Variants in NTNG2 observed in about 807,000 individuals in gnomAD.
NTNG2 encodes the protein netrin G2.
Under a neutral mutation model 47.6 loss-of-function variants are expected in NTNG2, and 15 were observed. That is an observed-to-expected ratio of 0.32 (90% CI 0.21 to 0.49). NTNG2 has a LOEUF of 0.49. Ranked by LOEUF, NTNG2 falls within the 20% of genes least tolerant of loss-of-function variation. The pLI, the probability that NTNG2 is intolerant of heterozygous loss-of-function variation, is 0.99. For missense variants in NTNG2, 578 were observed against 764.6 expected (o/e 0.76, Z 2.88); for synonymous variants, 307 against 324.6 (o/e 0.95, Z 0.58).
intron 5 of NTNG2, among the ~76,000 whole-genome samples, chr9:132,237,161 G>T (rs946642131): frequency 3.3e-5 from 5 of 152,206 alleles, no homozygotes; most frequent in Admixed American, 6.5e-5. Flanking sequence ...GTCTCAGAGA[G>T]GGGACCAAGG....
At chr9:132,240,742 C>A in intron 6 of NTNG2, 168 bp from the exon 7 acceptor site, 1 of 967,456 alleles carries the variant, frequency 1.0e-6, no homozygotes. Flanking sequence ...CCTGGCCACC[C>A]TGGGAAGTCC....
rs537189415 is a variant in NTNG2, at chr9:132,207,248, T to G, written c.857+8639T>G. 2.6e-5 allele frequency among the ~76,000 whole-genome samples: 4 copies of G among 152,392 alleles called. No individual in the cohort carries two copies. In the South Asian group the frequency reaches 8.3e-4, roughly 32 times the overall value. On this transcript the variant is annotated intron_variant, in intron 3 of 7. Transcript: ENST00000393229. ...TCTAATGGGCACTGCCTTGGTTTCTTGGAGCCTCCATAACTAAGTACCACT... is the reference window on the plus strand; with the variant it reads ...TCTAATGGGCACTGCCTTGGTTTCTGGGAGCCTCCATAACTAAGTACCACT...
At chr9:132,173,225 A>G (rs1451091155) in intron 2 of NTNG2, among the ~76,000 whole-genome samples, 1 of 152,244 alleles carries the variant, frequency 6.6e-6, no homozygotes, top group African/African-American at 2.4e-5. Context: ...AAAGCCACTC[A>G]GTCTCTTGAA....
intron 3 of NTNG2, among the ~76,000 whole-genome samples, chr9:132,211,788 T>C (rs1420676510): frequency 6.6e-6 from 1 of 152,196 alleles, no homozygotes; most frequent in South Asian, 2.1e-4. Context: ...ACCATAGCTA[T>C]GCACGTACAC....
rs529004891 is a variant in NTNG2 at position 132,224,312 on chromosome 9, T to C, written c.858-2537T>C. On this transcript the variant is annotated intron_variant, in intron 3 of 7. Coordinates refer to ENST00000393229, the MANE Select transcript of NTNG2 (RefSeq NM_032536.4). ...ATGAGCTAACACTGATACAGTGTCA[T>C]TCACTAGGGCCTGTTATTTACATTA... Among the ~76,000 whole-genome samples the C allele has an allele frequency of 7.2e-5, 11 of 152,292 alleles. 1 individual carries two copies. The South Asian group carries it at 2.3e-3, about 32-fold the overall frequency.
chr9:132,177,621 T>TA (rs1446627644), intron 2 of NTNG2, among the ~76,000 whole-genome samples: 4 of 152,214 alleles, frequency 2.6e-5, no homozygotes, highest in Admixed American at 2.6e-4. Flanking sequence ...TCTATGCACT[T>TA]ACTTCTGGAC....
chr9:132,225,561 C>G (rs763408275), intron 3 of NTNG2, among the ~76,000 whole-genome samples: 1 of 152,192 alleles, frequency 6.6e-6, no homozygotes, highest in South Asian at 2.1e-4. Flanking sequence ...TGCACCACCA[C>G]GCCTAGCCTG....
rs1470687983 is a variant in NTNG2, at chr9:132,221,742, G to A, written c.858-5107G>A. 6.6e-6 allele frequency among the ~76,000 whole-genome samples: 1 copy of A among 152,198 alleles called. No individual in the cohort carries two copies. The highest frequency in any genetic ancestry group is 1.9e-4 in the East Asian group (1 of 5,194). Reference sequence around the variant, plus strand: ...AGGGACGTCTGGATTTGGGTCAGGAGAAACCAACTGTATGACTTTGGGCGA... The same window carrying A: ...AGGGACGTCTGGATTTGGGTCAGGAAAAACCAACTGTATGACTTTGGGCGA... On this transcript the variant is annotated intron_variant, in intron 3 of 7. Coordinates refer to ENST00000393229, the MANE Select transcript of NTNG2 (RefSeq NM_032536.4). This position sits in a 1 kb window ranked among gnomAD's most constrained non-coding sequence, Gnocchi z 4.2.
rs1245936224 is a variant in NTNG2, at chr9:132,181,119, T to C, written c.213+14075T>C. Among the ~76,000 whole-genome samples the C allele has an allele frequency of 2.0e-5, 3 of 152,178 alleles. No homozygotes were observed. In the East Asian group the frequency reaches 5.8e-4, roughly 29 times the overall value. ...TTTTTTTTGAGACAGGGTCTCACTC[T>C]GTCACCCAGGCTGGAGTGCAGTGAA... On this transcript the variant is annotated intron_variant, in intron 2 of 7. Coordinates refer to ENST00000393229, the MANE Select transcript of NTNG2 (RefSeq NM_032536.4).
In NTNG2 at chr9:132,208,482, A is replaced by G. The variant is rs2130807717; in HGVS notation, c.857+9873A>G. The stretch of plus-strand genomic sequence containing the variant: ...TGGCGGTGCTGGAGGCCTGCAGGAG[A>G]CTGGGCGGGCCCTACCAAGACTGAC... On this transcript the variant is annotated intron_variant, in intron 3 of 7. Coordinates refer to ENST00000393229, the MANE Select transcript of NTNG2 (RefSeq NM_032536.4). This position sits in a 1 kb window ranked among gnomAD's most constrained non-coding sequence, Gnocchi z 4.0. Among the ~76,000 whole-genome samples, 1 of 152,044 alleles carries G rather than the reference A, an allele frequency of 6.6e-6. No individual in the cohort carries two copies. The highest frequency in any genetic ancestry group is 2.1e-4 in the South Asian group (1 of 4,814).
At chr9:132,179,164 G>A (rs1836732211) in intron 2 of NTNG2, among the ~76,000 whole-genome samples, 1 of 152,122 alleles carries the variant, frequency 6.6e-6, no homozygotes, top group Non-Finnish European at 1.5e-5. Context: ...CCCCAACCAG[G>A]TCTCTGTCCA....
At chr9:132,187,569 A>AAGAGAG (rs66498690) in intron 2 of NTNG2, among the ~76,000 whole-genome samples, 3 of 138,946 alleles carry the variant, frequency 2.2e-5, no homozygotes, top group Non-Finnish European at 4.6e-5. Context: ...GAGAGGGAGC[A>AAGAGAG]AGAGAGAGAG....
At chr9:132,209,198 C>T (rs1707974742) in intron 3 of NTNG2, among the ~76,000 whole-genome samples, 1 of 152,198 alleles carries the variant, frequency 6.6e-6, no homozygotes, top group South Asian at 2.1e-4. Flanking sequence ...GGGTAAACAC[C>T]CAGGTGTGGA....
chr9:132,223,410 GAT>G (rs1840495618), intron 3 of NTNG2, among the ~76,000 whole-genome samples: 1 of 152,220 alleles, frequency 6.6e-6, no homozygotes, highest in Non-Finnish European at 1.5e-5. Flanking sequence ...GCAGGACTGA[GAT>G]ATGAGGGAGG....
chr9:132,178,298 C>T (rs2131341662), intron 2 of NTNG2, among the ~76,000 whole-genome samples: 1 of 152,276 alleles, frequency 6.6e-6, no homozygotes, highest in South Asian at 2.1e-4. Context: ...CTCTGGCCTC[C>T]AAATACCTCC....
At chr9:132,220,299 T>G (rs955895155) in intron 3 of NTNG2, among the ~76,000 whole-genome samples, 3 of 152,220 alleles carry the variant, frequency 2.0e-5, no homozygotes, top group African/African-American at 7.2e-5. Flanking sequence ...GGTTGTCTTT[T>G]CACTTTCCTG....
chr9:132,174,367 C>T (rs1332099778), intron 2 of NTNG2, among the ~76,000 whole-genome samples: 2 of 134,808 alleles, frequency 1.5e-5, no homozygotes, highest in South Asian at 5.1e-4. Context: ...ATTAGACGGA[C>T]AGATGGACGG....
rs923513609 is a variant in NTNG2 at position 132,241,130 on chromosome 9, G to C, written c.1357+86G>C. The C allele has an allele frequency of 4.0e-5, 57 of 1,437,414 alleles. No homozygotes were observed. In the African/African-American group the frequency reaches 8.0e-4, roughly 20 times the overall value. The allele number at this position is 1,437,414 out of a possible 1,614,324, so 89.0% of individuals were successfully genotyped here. On this transcript the variant is annotated intron_variant, in intron 7 of 7. Transcript: ENST00000393229. ...GCAGTGGGCGGGGCCTAGTGGGACG[G>C]GGCAGGGGCGGTGGACTGGGCCTAG...
In NTNG2 at chr9:132,182,777, G is replaced by T. The variant is rs866082243; in HGVS notation, c.214-15189G>T. Among the ~76,000 whole-genome samples, 12 of 152,196 alleles carry T rather than the reference G, an allele frequency of 7.9e-5. No homozygotes were observed. Among genetic ancestry groups the T allele is most frequent in the South Asian group, 6.2e-4 (3 of 4,836 alleles). On this transcript the variant is annotated intron_variant, in intron 2 of 7. Coordinates refer to ENST00000393229, the MANE Select transcript of NTNG2 (RefSeq NM_032536.4). The surrounding 1 kb of genome is among the most constrained non-coding windows in gnomAD (Gnocchi z 4.2). ...GGCCTCAAGCCCAGCGGGCAGCTAT[G>T]ACCCCACCAGGAGCGGAGCGGGCAG...
Sources: allele counts gnomAD v4.1 joint callset (sites outside exome capture counted in the v4.1 genomes callset), GRCh38; gene constraint gnomAD v4.1.1; non-coding constraint Gnocchi (gnomAD v3.1); transcripts MANE v1.5; gene names NCBI Gene and HGNC (gene_info 2026-07-23, HGNC 2026-07-21).